VPS41: variants seen among roughly 807,000 people sequenced by gnomAD.
The protein encoded by VPS41 is vacuolar protein sorting-associated protein 41 homolog.
A neutral mutation model predicts 130.9 loss-of-function variants in VPS41; 85 were observed. The ratio of observed to expected loss-of-function variants is 0.65; its 90% CI spans 0.55 to 0.78. The LOEUF (loss-of-function observed/expected upper bound fraction) is 0.78, where lower values mean the gene tolerates loss of function less well. Among genes scored for constraint, VPS41 ranks in the 30% least tolerant of loss-of-function variants. The probability of loss-of-function intolerance (pLI) is 0.00; values close to 1 mark genes in which losing one functional copy is unlikely to be tolerated. For missense variants in VPS41, 874 were observed against 1,018.7 expected, an observed-to-expected ratio of 0.86 and a Z score of 1.93; for synonymous variants, 335 against 332.9, an observed-to-expected ratio of 1.01 and a Z score of -0.07.
intron 5 of VPS41, among the ~76,000 whole-genome samples, chr7:38,825,219 T>G (rs1015420262): frequency 1.3e-5 from 2 of 152,236 alleles, no homozygotes; most frequent in Non-Finnish European, 2.9e-5. Context: ...TTTCTATTAC[T>G]ATGTTTAACT....
intron 5 of VPS41, among the ~76,000 whole-genome samples, chr7:38,827,868 T>A: frequency 6.6e-6 from 1 of 152,094 alleles, no homozygotes; most frequent in Non-Finnish European, 1.5e-5. Context: ...CTGACGGTAC[T>A]CCAGAAAAAA....
rs10486678 is a variant in VPS41 at position 38,742,317 on chromosome 7, G to A, written c.2123-196C>T. On this transcript the variant is annotated intron_variant, in intron 24 of 28. Transcript: ENST00000310301. The stretch of plus-strand genomic sequence containing the variant: ...ATCTTCTAAACTTCCAAGAACTAAC[G>A]CTCCTTAAGACATGAAGGAGAAAGT... Among the ~76,000 whole-genome samples the A allele has an allele frequency of 0.23, 35,550 of 151,994 alleles. 4,819 individuals carry two copies. The highest frequency in any genetic ancestry group is 0.43 in the East Asian group (2,240 of 5,182).
At chr7:38,893,013 G>A (rs1786899874) in intron 2 of VPS41, among the ~76,000 whole-genome samples, 2 of 152,060 alleles carry the variant, frequency 1.3e-5, no homozygotes, top group African/African-American at 2.4e-5. Flanking sequence ...TGAGAACCAC[G>A]CAAATGGTCT....
At chr7:38,802,508 G>C (rs1321148370) in intron 7 of VPS41, among the ~76,000 whole-genome samples, 1 of 152,024 alleles carries the variant, frequency 6.6e-6, no homozygotes, top group Non-Finnish European at 1.5e-5. Context: ...ATTTGACATA[G>C]AGTTTCATAC....
At chr7:38,868,000 C>T (rs1584436156) in intron 3 of VPS41, among the ~76,000 whole-genome samples, 3 of 152,186 alleles carry the variant, frequency 2.0e-5, no homozygotes, top group East Asian at 1.9e-4. Flanking sequence ...AGTCATATAG[C>T]TTGTGGGAAA....
At chr7:38,767,667 T>G in intron 14 of VPS41, 69 bp from the exon 15 acceptor site, 1 of 1,149,166 alleles carries the variant, frequency 8.7e-7, no homozygotes. Flanking sequence ...TCTCGGTTTC[T>G]GCACAGGGCA....
chr7:38,872,723 C>T (rs1047210787), intron 2 of VPS41, among the ~76,000 whole-genome samples: 18 of 151,836 alleles, frequency 1.2e-4, no homozygotes, highest in Non-Finnish European at 2.5e-4. Flanking sequence ...CTGTTTTTAA[C>T]AGAAAATATA....
intron 24 of VPS41, among the ~76,000 whole-genome samples, chr7:38,742,331 G>A (rs1795898171): frequency 6.6e-6 from 1 of 152,140 alleles, no homozygotes; most frequent in Admixed American, 6.5e-5. Flanking sequence ...CTTAAGACAT[G>A]AAGGAGAAAG....
intron 7 of VPS41, among the ~76,000 whole-genome samples, chr7:38,802,623 CT>C (rs1463863923): frequency 6.6e-6 from 1 of 152,144 alleles, no homozygotes; most frequent in Non-Finnish European, 1.5e-5. Context: ...CCAAGGAAAG[CT>C]TTGCTTTGGT....
intron 4 of VPS41, among the ~76,000 whole-genome samples, chr7:38,853,658 C>T (rs913306749): frequency 2.6e-5 from 4 of 152,082 alleles, no homozygotes; most frequent in Admixed American, 2.6e-4. Context: ...ACTGAGAGTA[C>T]CCTGTACTGA....
chr7:38,833,603 C>T (rs765400275), intron 4 of VPS41, among the ~76,000 whole-genome samples: 25 of 152,174 alleles, frequency 1.6e-4, no homozygotes, highest in Non-Finnish European at 3.4e-4. Context: ...GCCAACCAAT[C>T]TAAAAAGTCA....
chr7:38,794,583 T>C (rs2115973490), intron 9 of VPS41, among the ~76,000 whole-genome samples: 1 of 152,294 alleles, frequency 6.6e-6, no homozygotes, highest in Non-Finnish European at 1.5e-5. Context: ...CATTTATTTC[T>C]CCCCAAAACT....
intron 10 of VPS41, among the ~76,000 whole-genome samples, chr7:38,788,660 T>G (rs939935225): frequency 6.6e-6 from 1 of 152,206 alleles, no homozygotes; most frequent in African/African-American, 2.4e-5. Flanking sequence ...CAATTATCTA[T>G]ATAGTCTAGT....
intron 4 of VPS41, among the ~76,000 whole-genome samples, chr7:38,855,125 A>C (rs1250808065): frequency 6.8e-6 from 1 of 147,960 alleles, no homozygotes; most frequent in Non-Finnish European, 1.5e-5. Flanking sequence ...CAGGAGAATC[A>C]CTTGAACCTG....
At chr7:38,906,925 T>C (rs548004548) in intron 1 of VPS41, among the ~76,000 whole-genome samples, 113 of 152,286 alleles carry the variant, frequency 7.4e-4, no homozygotes, top group African/African-American at 2.7e-3. Context: ...TCAAGTTGCC[T>C]GAATTTCAAT....
At chr7:38,881,641 T>C (rs1393770812) in intron 2 of VPS41, among the ~76,000 whole-genome samples, 1 of 152,170 alleles carries the variant, frequency 6.6e-6, no homozygotes, top group African/African-American at 2.4e-5. Context: ...AAATTAAATA[T>C]TGATCCCTGT....
intron 10 of VPS41, among the ~76,000 whole-genome samples, chr7:38,784,827 C>T (rs1000617475): frequency 2.0e-5 from 3 of 152,182 alleles, no homozygotes; most frequent in Non-Finnish European, 2.9e-5. Flanking sequence ...AGGGCTAAAG[C>T]GCTGCAGTAC....
chr7:38,869,740 C>T (rs1032371856), intron 2 of VPS41, among the ~76,000 whole-genome samples: 13 of 152,034 alleles, frequency 8.6e-5, no homozygotes, highest in African/African-American at 3.1e-4. Context: ...CTAGCCAAAA[C>T]AGAAGTTCAT....
At chr7:38,836,003 T>C (rs1785483603) in intron 4 of VPS41, among the ~76,000 whole-genome samples, 1 of 152,040 alleles carries the variant, frequency 6.6e-6, no homozygotes, top group African/African-American at 2.4e-5. Context: ...TTTGGCTTTT[T>C]ACTGTGTATT....
Sources: allele counts gnomAD v4.1 joint callset (sites outside exome capture counted in the v4.1 genomes callset), GRCh38; gene constraint gnomAD v4.1.1; transcripts MANE v1.5; gene names NCBI Gene and HGNC (gene_info 2026-07-23, HGNC 2026-07-21).